Variants in ATF6 observed in about 807,000 individuals in gnomAD.
The protein encoded by ATF6 is cyclic AMP-dependent transcription factor ATF-6 alpha.
Under a neutral mutation model 83.6 loss-of-function variants are expected in ATF6, and 53 were observed. The observed-to-expected ratio is 0.63, with a 90% confidence interval of 0.51 to 0.80. The LOEUF (loss-of-function observed/expected upper bound fraction) is 0.80. Among genes scored for constraint, ATF6 ranks in the 30% least tolerant of loss-of-function variants. ATF6 has a pLI of 0.00. For missense variants in ATF6, 744 were observed against 797.9 expected, an observed-to-expected ratio of 0.93 and a Z score of 0.81; for synonymous variants, 288 against 285.8, an observed-to-expected ratio of 1.01 and a Z score of -0.08.
Position 161,819,694 on chromosome 1 carries a change from G to A in ATF6, c.971G>A (p.Arg324His), listed in dbSNP as rs764722601. The change falls in exon 8 of 16, where the codon CGC (arginine) becomes CAC (histidine). Residue 324 changes from arginine (R) to histidine (H), a missense_variant. Physicochemically the swap from Arg to His is conservative, Grantham distance 29 (BLOSUM62 0). Coordinates refer to ENST00000367942, the MANE Select transcript of ATF6 (RefSeq NM_007348.4). Reference sequence around the variant, plus strand: ...AATCGAGAATCCGCTTGTCAGTCTCGCAAGAAGAAGAAAGAATATATGCTA... The same window carrying A: ...AATCGAGAATCCGCTTGTCAGTCTCACAAGAAGAAGAAAGAATATATGCTA... Reference protein sequence around the residue: ...IKNRESACQSRKKKKEYMLGL... With the variant: ...IKNRESACQSHKKKKEYMLGL... 1 of 1,612,416 alleles carries A rather than the reference G, an allele frequency of 6.2e-7. No individual in the cohort carries two copies. Among genetic ancestry groups the A allele is most frequent in the Non-Finnish European group, 8.5e-7 (1 of 1,179,316 alleles).
chr1:161,775,437 TTCTG>T (rs766490639), intron 1 of ATF6, among the ~76,000 whole-genome samples: 2 of 152,210 alleles, frequency 1.3e-5, no homozygotes, highest in Admixed American at 6.5e-5. Flanking sequence ...AACTCTATCA[TTCTG>T]TCTATCATTC....
intron 9 of ATF6, among the ~76,000 whole-genome samples, chr1:161,822,188 T>C (rs1186594669): frequency 6.6e-6 from 1 of 152,120 alleles, no homozygotes; most frequent in Non-Finnish European, 1.5e-5. Context: ...AGACAGATAA[T>C]GTTAGTGGTG....
At chr1:161,866,881 G>A (rs1687013455) in intron 14 of ATF6, among the ~76,000 whole-genome samples, 1 of 152,250 alleles carries the variant, frequency 6.6e-6, no homozygotes, top group African/African-American at 2.4e-5. Context: ...CAGAGTATCT[G>A]GGACTACAGG....
At chr1:161,860,409 G>GAT (rs750595099) in intron 13 of ATF6, 132 bp downstream of exon 13, 339 of 259,600 alleles carry the variant, frequency 1.3e-3, no homozygotes, top group African/African-American at 2.0e-3. Context: ...TATACTCTAA[G>GAT]ATATATATAT....
chr1:161,791,020 T>C lies in ATF6; in HGVS notation c.355-388T>C, dbSNP rs148335193. Among the ~76,000 whole-genome samples, 179 of 152,196 alleles carry C rather than the reference T, an allele frequency of 1.2e-3. 1 individual carries two copies. The highest frequency in any genetic ancestry group is 4.0e-3 in the African/African-American group (167 of 41,528). The stretch of plus-strand genomic sequence containing the variant: ...TATTGGCATTTTAACTGCAACCTTA[T>C]ACTGATACTGAATGTTTGTATGACT... On this transcript the variant is annotated intron_variant, in intron 4 of 15. Transcript: ENST00000367942.
chr1:161,908,146 G>C (rs1055910695), intron 14 of ATF6, among the ~76,000 whole-genome samples: 1 of 152,164 alleles, frequency 6.6e-6, no homozygotes, highest in Admixed American at 6.5e-5. Flanking sequence ...ATGGGCACCA[G>C]TCAGTGAGTT....
intron 10 of ATF6, among the ~76,000 whole-genome samples, chr1:161,851,078 C>T (rs776860869): frequency 2.8e-4 from 43 of 151,818 alleles, no homozygotes; most frequent in Middle Eastern, 3.4e-3. Flanking sequence ...AGTTTATATT[C>T]GGCTTTTCAA....
At chr1:161,893,583 C>T (rs1687605227) in intron 14 of ATF6, among the ~76,000 whole-genome samples, 1 of 152,204 alleles carries the variant, frequency 6.6e-6, no homozygotes, top group Non-Finnish European at 1.5e-5. Context: ...GCAACAACAG[C>T]AAAAGGTATT....
chr1:161,848,048 A>G (rs988978736), intron 10 of ATF6, among the ~76,000 whole-genome samples: 1 of 151,632 alleles, frequency 6.6e-6, no homozygotes, highest in Non-Finnish European at 1.5e-5. Flanking sequence ...GATGCAAGCT[A>G]TTTTTTCCCT....
At chr1:161,872,415 T>C (rs1007689062) in intron 14 of ATF6, among the ~76,000 whole-genome samples, 2 of 151,552 alleles carry the variant, frequency 1.3e-5, no homozygotes, top group African/African-American at 4.8e-5. Context: ...TTGAGTTGTT[T>C]CGGGATCATT....
At chr1:161,845,951 A>G (rs544612906) in intron 9 of ATF6, among the ~76,000 whole-genome samples, 1 of 152,206 alleles carries the variant, frequency 6.6e-6, no homozygotes, top group South Asian at 2.1e-4. Flanking sequence ...AGAAGTATTT[A>G]AAAAATTTTT....
chr1:161,951,370 C>T (rs1006448775), intron 15 of ATF6, among the ~76,000 whole-genome samples: 11 of 152,324 alleles, frequency 7.2e-5, no homozygotes, highest in Admixed American at 3.3e-4. Flanking sequence ...GGCACTTTCT[C>T]AAGTTGGAGC....
chr1:161,837,272 C>CT (rs997023206), intron 9 of ATF6, among the ~76,000 whole-genome samples: 2 of 152,130 alleles, frequency 1.3e-5, no homozygotes, highest in African/African-American at 4.8e-5. Context: ...CCATTCATGT[C>CT]TTTTTTGTCT....
chr1:161,891,086 G>C (rs977852493), intron 14 of ATF6: 1 of 152,286 alleles, frequency 6.6e-6, no homozygotes, highest in Non-Finnish European at 1.5e-5. Context: ...AGGAGCTCCG[G>C]CTGCAAGACC....
chr1:161,901,284 A>G (rs560722641), intron 14 of ATF6, among the ~76,000 whole-genome samples: 1 of 152,182 alleles, frequency 6.6e-6, no homozygotes, highest in South Asian at 2.1e-4. Context: ...ATAGTACCCA[A>G]CCAGTTAGTT....
chr1:161,884,504 C>G (rs1037690217), intron 14 of ATF6, among the ~76,000 whole-genome samples: 12 of 151,910 alleles, frequency 7.9e-5, no homozygotes, highest in African/African-American at 2.9e-4. Context: ...TGAATAATTA[C>G]CTTACTTTTA....
intron 7 of ATF6, among the ~76,000 whole-genome samples, chr1:161,804,745 T>C (rs574812156): frequency 6.9e-4 from 104 of 151,594 alleles, no homozygotes; most frequent in African/African-American, 2.5e-3. Context: ...CAATCATCAC[T>C]GTATGCCATT....
intron 14 of ATF6, among the ~76,000 whole-genome samples, chr1:161,911,841 A>G (rs1461057383): frequency 6.6e-6 from 1 of 152,202 alleles, no homozygotes. Context: ...AAGTTTGAGA[A>G]TGACTGTTTA....
chr1:161,767,208 A>G lies in ATF6; in HGVS notation c.82+766A>G, dbSNP rs1684284990. On this transcript the variant is annotated intron_variant, in intron 1 of 15. Coordinates refer to ENST00000367942, the MANE Select transcript of ATF6 (RefSeq NM_007348.4). ...TTCCAATATGAATTTGGGATTGTGTAGGTTCCCAAATGGGCCCGCTAGTGA... is the reference window on the plus strand; with the variant it reads ...TTCCAATATGAATTTGGGATTGTGTGGGTTCCCAAATGGGCCCGCTAGTGA... Among the ~76,000 whole-genome samples, 6 of 152,192 alleles carry G rather than the reference A, an allele frequency of 3.9e-5. No individual in the cohort carries two copies. The South Asian group carries it at 1.2e-3, about 32-fold the overall frequency.
Sources: allele counts gnomAD v4.1 joint callset (sites outside exome capture counted in the v4.1 genomes callset), GRCh38; gene constraint gnomAD v4.1.1; transcripts MANE v1.5; gene names NCBI Gene and HGNC (gene_info 2026-07-23, HGNC 2026-07-21).